ANKRD6: variants seen among roughly 807,000 people sequenced by gnomAD.
ANKRD6 encodes ankyrin repeat domain-containing protein 6.
In ANKRD6, 56 loss-of-function variants were observed where a neutral mutation model predicts 82.3. The ratio of observed to expected loss-of-function variants is 0.68; its 90% CI spans 0.55 to 0.85. The LOEUF (loss-of-function observed/expected upper bound fraction) is 0.85. ANKRD6 is among the 40% of genes least tolerant of loss of function. The pLI is 0.00. For missense variants in ANKRD6, 852 were observed against 907.6 expected (o/e 0.94, Z 0.79); for synonymous variants, 347 against 352.1 (o/e 0.99, Z 0.16).
intron 5 of ANKRD6, among the ~76,000 whole-genome samples, chr6:89,609,147 G>A (rs1231116530): frequency 6.6e-6 from 1 of 152,170 alleles, no homozygotes; most frequent in Non-Finnish European, 1.5e-5. Flanking sequence ...TATTTTTCAT[G>A]GTTCCCTCAT....
At chr6:89,544,565 T>A (rs1294612887) in intron 1 of ANKRD6, among the ~76,000 whole-genome samples, 1 of 151,812 alleles carries the variant, frequency 6.6e-6, no homozygotes, top group African/African-American at 2.4e-5. Flanking sequence ...ATACAAAAAA[T>A]TAGCTGGGCG....
intron 1 of ANKRD6, among the ~76,000 whole-genome samples, chr6:89,469,220 G>A (rs1775182800): frequency 6.6e-6 from 1 of 152,140 alleles, no homozygotes; most frequent in Non-Finnish European, 1.5e-5. Context: ...GCTGTCAAAT[G>A]TTTCATGTTA....
At chr6:89,484,203 C>T (rs1286297791) in intron 1 of ANKRD6, among the ~76,000 whole-genome samples, 4 of 152,132 alleles carry the variant, frequency 2.6e-5, no homozygotes, top group African/African-American at 4.8e-5. Context: ...CCACCGCGGC[C>T]GGCCAAGAAT....
chr6:89,473,768 C>T (rs889843114), intron 1 of ANKRD6, among the ~76,000 whole-genome samples: 9 of 151,860 alleles, frequency 5.9e-5, no homozygotes, highest in African/African-American at 2.2e-4. Context: ...CACTTGAGGT[C>T]AGGAGTTCGA....
chr6:89,593,109 C>T (rs1464060178), intron 2 of ANKRD6, among the ~76,000 whole-genome samples: 2 of 152,198 alleles, frequency 1.3e-5, no homozygotes, highest in African/African-American at 4.8e-5. Context: ...CTGTTGGCCT[C>T]TTTCCAGCCT....
At chr6:89,468,076 G>C (rs1170144508) in intron 1 of ANKRD6, among the ~76,000 whole-genome samples, 1 of 152,168 alleles carries the variant, frequency 6.6e-6, no homozygotes, top group Non-Finnish European at 1.5e-5. Context: ...AAGTCTTCCA[G>C]AAAGAAATTA....
chr6:89,593,028 C>T (rs181364586), intron 2 of ANKRD6, among the ~76,000 whole-genome samples: 7 of 152,252 alleles, frequency 4.6e-5, no homozygotes, highest in Non-Finnish European at 7.4e-5. Context: ...GAGCCAAGAT[C>T]GCGCCACTGC....
intron 1 of ANKRD6, among the ~76,000 whole-genome samples, chr6:89,466,146 T>C (rs971636107): frequency 1.3e-5 from 2 of 152,196 alleles, no homozygotes; most frequent in Non-Finnish European, 2.9e-5. Flanking sequence ...ATGAGGGTTT[T>C]CCCATTCTAC....
At chr6:89,496,616 G>A (rs1778659312) in intron 1 of ANKRD6, among the ~76,000 whole-genome samples, 1 of 152,022 alleles carries the variant, frequency 6.6e-6, no homozygotes, top group Non-Finnish European at 1.5e-5. Flanking sequence ...TCCTCCTCCC[G>A]GGTTTAAGCA....
At chr6:89,494,169 A>G (rs1020409677) in intron 1 of ANKRD6, among the ~76,000 whole-genome samples, 1 of 152,032 alleles carries the variant, frequency 6.6e-6, no homozygotes, top group Admixed American at 6.5e-5. Flanking sequence ...AAAAAAAATG[A>G]GCGGCGTTGG....
chr6:89,510,706 G>A (rs568973130), intron 1 of ANKRD6, among the ~76,000 whole-genome samples: 1 of 151,970 alleles, frequency 6.6e-6, no homozygotes, highest in East Asian at 1.9e-4. Flanking sequence ...CAATCTCCCC[G>A]GCCCTAGTCT....
intron 2 of ANKRD6, among the ~76,000 whole-genome samples, chr6:89,580,193 C>G (rs1406611967): frequency 6.7e-6 from 1 of 149,428 alleles, no homozygotes; most frequent in Non-Finnish European, 1.5e-5. Context: ...GGAAATTATA[C>G]CTCGAGAAAC....
At chr6:89,465,227 C>G (rs940319957) in intron 1 of ANKRD6, among the ~76,000 whole-genome samples, 2 of 150,048 alleles carry the variant, frequency 1.3e-5, no homozygotes, top group African/African-American at 2.5e-5. Flanking sequence ...TCAAGTAATT[C>G]TCCTGCCTCA....
At chr6:89,521,968 C>G (rs756797868) in intron 1 of ANKRD6, among the ~76,000 whole-genome samples, 1 of 152,136 alleles carries the variant, frequency 6.6e-6, no homozygotes, top group Non-Finnish European at 1.5e-5. Context: ...ATAACCTATA[C>G]TTTGAATAAC....
intron 13 of ANKRD6, 83 bp downstream of exon 13, chr6:89,624,774 C>T: frequency 6.8e-7 from 1 of 1,478,860 alleles, no homozygotes; most frequent in Non-Finnish European, 9.1e-7. Flanking sequence ...TTTAGCACAC[C>T]CTTCCACCCT....
chr6:89,598,591 A>G (rs1796397110), intron 3 of ANKRD6, among the ~76,000 whole-genome samples: 1 of 152,214 alleles, frequency 6.6e-6, no homozygotes, highest in African/African-American at 2.4e-5. Context: ...CATGTAGGAA[A>G]GAAAAATAAC....
At chr6:89,483,680 T>A (rs1457346187) in intron 1 of ANKRD6, 1 of 152,208 alleles carries the variant, frequency 6.6e-6, no homozygotes, top group Non-Finnish European at 1.5e-5. Flanking sequence ...GATATAGACA[T>A]AGGTCCTTTA....
intron 1 of ANKRD6, among the ~76,000 whole-genome samples, chr6:89,493,722 T>G (rs1456206110): frequency 6.6e-6 from 1 of 152,118 alleles, no homozygotes; most frequent in African/African-American, 2.4e-5. Context: ...AGCCTGTCTG[T>G]CTCTTATAAG....
chr6:89,623,440 AG>A lies in ANKRD6; in HGVS notation c.929del (p.Ser310MetfsTer95). ...GSVSAGDTPS[S>X]EQAVARKEEA... is the part of the protein sequence containing the mutation. Reference sequence around the variant, plus strand: ...TGTCTCAGCAGGAGACACCCCCAGCAGTGAACAGGCTGTGGCCAGAAAAGAA... The same window carrying A: ...TGTCTCAGCAGGAGACACCCCCAGCATGAACAGGCTGTGGCCAGAAAAGAA... On this transcript the variant is annotated frameshift_variant, in exon 11 of 16. Coordinates refer to ENST00000339746, the MANE Select transcript of ANKRD6 (RefSeq NM_001242809.2). LOFTEE classifies it high-confidence loss of function. 1 of 1,612,038 alleles carries A rather than the reference AG, an allele frequency of 6.2e-7. No homozygotes were observed. The highest frequency in any genetic ancestry group is 2.2e-5 in the East Asian group (1 of 44,840).
Sources: gnomAD v4.1 joint callset for allele counts (sites outside exome capture counted in the v4.1 genomes callset) on GRCh38, gnomAD v4.1.1 for gene constraint, MANE v1.5 for transcripts, NCBI Gene and HGNC (gene_info 2026-07-23, HGNC 2026-07-21) for gene names.